INTS6: variants seen among roughly 807,000 people sequenced by gnomAD.
The protein encoded by INTS6 is integrator complex subunit 6, also known as DEAD box protein.
INTS6 carries 16 observed loss-of-function variants against 104.9 expected under a neutral mutation model. The ratio of observed to expected loss-of-function variants is 0.15; its 90% CI spans 0.10 to 0.23. The LOEUF (loss-of-function observed/expected upper bound fraction) is 0.23, where lower values mean the gene tolerates loss of function less well. Ranked by LOEUF, INTS6 falls within the 10% of genes least tolerant of loss-of-function variation. The pLI, the probability that INTS6 is intolerant of heterozygous loss-of-function variation, is 1.00. For missense variants in INTS6, 584 were observed against 1,062.8 expected (o/e 0.55, Z 6.26); for synonymous variants, 324 against 358.7 (o/e 0.90, Z 1.09).
chr13:51,438,187 G>A (rs902881102), intron 3 of INTS6: 5 of 152,092 alleles, frequency 3.3e-5, no homozygotes, highest in Admixed American at 6.5e-5. Context: ...ATGTACAGGA[G>A]TAAAAGTTTC....
chr13:51,452,695 G>C lies in INTS6; in HGVS notation c.-170C>G. On this transcript the variant is annotated 5_prime_UTR_variant, in exon 1 of 18. Transcript: ENST00000311234. The surrounding 1 kb of genome is among the most constrained non-coding windows in gnomAD (Gnocchi z 4.2). ...GCTGCGGGGAGTTTCTCCCCCGATA[G>C]TTGAGAGGAAACTCCCCAGACCCAG... The C allele has an allele frequency of 7.3e-7, 1 of 1,378,912 alleles. No homozygotes were observed. Among genetic ancestry groups the C allele is most frequent in the Non-Finnish European group, 9.4e-7 (1 of 1,065,578 alleles). The allele number at this position is 1,378,912 out of a possible 1,614,324, so 85.4% of individuals were successfully genotyped here. A position where few individuals can be genotyped will look rare whatever the true frequency, so the allele number is the denominator to read the frequency against.
intron 3 of INTS6, among the ~76,000 whole-genome samples, chr13:51,433,702 A>C (rs1264302301): frequency 1.3e-5 from 2 of 152,258 alleles, no homozygotes; most frequent in Non-Finnish European, 2.9e-5. Context: ...TATTAAATTT[A>C]ATTAAGCTAA....
In INTS6 at chr13:51,419,971, G is replaced by A. The variant is rs137998122; in HGVS notation, c.429+10323C>T. 1.3e-3 allele frequency among the ~76,000 whole-genome samples: 204 copies of A among 152,122 alleles called. 1 individual carries two copies. Among genetic ancestry groups the A allele is most frequent in the African/African-American group, 4.8e-3 (199 of 41,480 alleles). On this transcript the variant is annotated intron_variant, in intron 4 of 17. Coordinates refer to ENST00000311234, the MANE Select transcript of INTS6 (RefSeq NM_012141.3). ...TTGTAAATAAAATTTTATTGAACACGGCCACTCTCACTCATTTAACATACT... is the reference window on the plus strand; with the variant it reads ...TTGTAAATAAAATTTTATTGAACACAGCCACTCTCACTCATTTAACATACT...
At chr13:51,425,869 G>T (rs1265316744) in intron 4 of INTS6, among the ~76,000 whole-genome samples, 1 of 151,954 alleles carries the variant, frequency 6.6e-6, no homozygotes, top group African/African-American at 2.4e-5. Flanking sequence ...TACTAAGGAA[G>T]TAAGTAATAT....
chr13:51,348,536 TC>T, the INTS6 span: 1 of 711,388 alleles, frequency 1.4e-6, no homozygotes, highest in Non-Finnish European at 2.3e-6. Context: ...TTAATATGTA[TC>T]CCCAGAAGTT....
At chr13:51,381,851 C>T (rs935973551) in intron 10 of INTS6, among the ~76,000 whole-genome samples, 178 bp downstream of exon 10, 4 of 151,784 alleles carry the variant, frequency 2.6e-5, no homozygotes, top group South Asian at 2.1e-4. Flanking sequence ...TACAGGCGCC[C>T]GCCACCACGC....
intron 9 of INTS6, 120 bp from the exon 10 acceptor site, chr13:51,382,243 G>A (rs564327489): frequency 4.1e-6 from 2 of 489,250 alleles, no homozygotes; most frequent in Admixed American, 3.9e-5. Context: ...AACATCAGAC[G>A]TTTTTTAACA....
chr13:51,380,968 T>G (rs1236707093), intron 10 of INTS6, among the ~76,000 whole-genome samples: 1 of 152,182 alleles, frequency 6.6e-6, no homozygotes, highest in African/African-American at 2.4e-5. Flanking sequence ...ATGGATTCCG[T>G]ATTCTGTGAA....
intron 4 of INTS6, among the ~76,000 whole-genome samples, chr13:51,419,180 G>A (rs916684201): frequency 5.3e-5 from 8 of 152,062 alleles, no homozygotes; most frequent in Admixed American, 5.2e-4. Context: ...CCTCTTTTAT[G>A]AGGAAGTGAA....
At chr13:51,399,498 G>A (rs1427662049) in intron 4 of INTS6, among the ~76,000 whole-genome samples, 1 of 152,150 alleles carries the variant, frequency 6.6e-6, no homozygotes, top group Non-Finnish European at 1.5e-5. Context: ...ATGTATTTGT[G>A]GAAAATATAT....
At chr13:51,410,333 A>C (rs1234536698) in intron 4 of INTS6, among the ~76,000 whole-genome samples, 1 of 152,234 alleles carries the variant, frequency 6.6e-6, no homozygotes, top group Non-Finnish European at 1.5e-5. Context: ...ACTCGTTATA[A>C]AACCACAGTA....
chr13:51,397,128 C>A (rs1479606311), intron 4 of INTS6, among the ~76,000 whole-genome samples: 1 of 152,006 alleles, frequency 6.6e-6, no homozygotes, highest in East Asian at 1.9e-4. Context: ...CAAAGCAAGA[C>A]CTAATTGTAT....
chr13:51,430,478 T>G (rs1957070743), intron 3 of INTS6, 95 bp from the exon 4 acceptor site: 2 of 823,938 alleles, frequency 2.4e-6, no homozygotes, highest in South Asian at 3.6e-5. Context: ...ACGATCTCCC[T>G]TTCTAGTTTC....
chr13:51,356,667 T>C (rs1489005588), downstream of INTS6, among the ~76,000 whole-genome samples: 1 of 152,124 alleles, frequency 6.6e-6, no homozygotes, highest in Non-Finnish European at 1.5e-5. Flanking sequence ...ACAGGACTGA[T>C]CTTAACACAC....
chr13:51,451,013 T>G lies in INTS6; in HGVS notation c.339+12A>C, dbSNP rs941352772. On this transcript the variant is annotated intron_variant, in intron 3 of 17. Coordinates refer to ENST00000311234, the MANE Select transcript of INTS6 (RefSeq NM_012141.3). ...AAAATCAACTATTTTGCCACCTTAT[T>G]ATTCAACCTACCTGCCCATAGTTGT... The G allele has an allele frequency of 6.7e-7, 1 of 1,493,458 alleles. No homozygotes were observed. Among genetic ancestry groups the G allele is most frequent in the Non-Finnish European group, 8.9e-7 (1 of 1,121,522 alleles). The allele number at this position is 1,493,458 out of a possible 1,614,324, so 92.5% of individuals were successfully genotyped here.
intron 4 of INTS6, among the ~76,000 whole-genome samples, chr13:51,419,936 A>G (rs1348880092): frequency 6.6e-6 from 1 of 152,164 alleles, no homozygotes; most frequent in Admixed American, 6.5e-5. Flanking sequence ...TCCAGCCCAG[A>G]GCCTATTTTT....
In INTS6 at chr13:51,379,748, C is replaced by T. The variant is rs780128056; in HGVS notation, c.1276-176G>A. Among the ~76,000 whole-genome samples the T allele has an allele frequency of 2.0e-5, 3 of 151,888 alleles. No homozygotes were observed. In the East Asian group the frequency reaches 5.8e-4, roughly 29 times the overall value. On this transcript the variant is annotated intron_variant, in intron 10 of 17. Transcript: ENST00000311234. ...AATGTTTGTCAGTGGGATGAAAGGCCGTTTGAAGTAGTTAAAAAGGATTAG... is the reference window on the plus strand; with the variant it reads ...AATGTTTGTCAGTGGGATGAAAGGCTGTTTGAAGTAGTTAAAAAGGATTAG...
At chr13:51,393,622 C>T (rs1956284405) in intron 5 of INTS6, among the ~76,000 whole-genome samples, 1 of 152,164 alleles carries the variant, frequency 6.6e-6, no homozygotes, top group Non-Finnish European at 1.5e-5. Context: ...GGCAAATAAA[C>T]TATCACATCA....
chr13:51,344,625 C>T, the INTS6 span: 1 of 679,796 alleles, frequency 1.5e-6, no homozygotes, highest in Non-Finnish European at 2.5e-6. Flanking sequence ...AGATCCTACC[C>T]TTGAATGACA....
Sources: allele counts gnomAD v4.1 joint callset (sites outside exome capture counted in the v4.1 genomes callset), GRCh38; gene constraint gnomAD v4.1.1; non-coding constraint Gnocchi (gnomAD v3.1); transcripts MANE v1.5; gene names NCBI Gene and HGNC (gene_info 2026-07-23, HGNC 2026-07-21).